The following ZNF185 variants were observed in gnomAD, a reference collection of about 807,000 sequenced individuals.
ZNF185 encodes the protein zinc finger protein 185.
In ZNF185, 56 loss-of-function variants were observed where a neutral mutation model predicts 58.6. The observed-to-expected ratio is 0.95, with a 90% CI of 0.77 to 1.19. The LOEUF is 1.19. Ranked by LOEUF, ZNF185 falls within the 50% of genes most tolerant of loss-of-function variation. The probability of loss-of-function intolerance (pLI) is 0.00; values close to 1 mark genes in which losing one functional copy is unlikely to be tolerated. For missense variants in ZNF185, 627 were observed against 573.5 expected (o/e 1.09, Z -0.95); for synonymous variants, 230 against 215.9 (o/e 1.07, Z -0.57).
At chrX:152,938,528 A>C (rs368521292) in intron 15 of ZNF185, among the ~76,000 whole-genome samples, 1 of 111,447 alleles carries the variant, frequency 9.0e-6, no homozygotes, top group Non-Finnish European at 1.9e-5. Flanking sequence ...AGAGCAATAC[A>C]TGAGCGCTAG....
At chrX:152,957,019 A>G (rs1375599798) in intron 16 of ZNF185, among the ~76,000 whole-genome samples, 2 of 111,461 alleles carry the variant, frequency 1.8e-5, no homozygotes, top group Non-Finnish European at 3.8e-5. Context: ...GGAAAAACCT[A>G]ATAATACCCT....
chrX:152,939,895 G>T (rs782672744), intron 15 of ZNF185, among the ~76,000 whole-genome samples: 1 of 102,158 alleles, frequency 9.8e-6, no homozygotes, highest in East Asian at 3.1e-4. Context: ...CGATTCTCCT[G>T]CCTCAGCCTC....
intron 11 of ZNF185, among the ~76,000 whole-genome samples, chrX:152,927,495 A>C (rs1471066382): frequency 1.8e-5 from 2 of 110,778 alleles, no homozygotes; most frequent in Non-Finnish European, 1.9e-5. Context: ...TGGCCTCTTT[A>C]AAGTGCCAGT....
In ZNF185 at chrX:152,967,241, A is replaced by G; in HGVS notation, c.1871+3A>G. 1 of 1,208,637 alleles carries G rather than the reference A, an allele frequency of 8.3e-7. No homozygotes were observed. The highest frequency in any genetic ancestry group is 1.1e-6 in the Non-Finnish European group (1 of 892,833). On this transcript the variant is annotated splice_donor_region_variant and intron_variant, in intron 20 of 22. Coordinates refer to ENST00000449285, the Ensembl canonical transcript of ZNF185. ...GGCAGCACTCCATACTCTGAGAGGTATGTTGACTTTCTTAGCACGGAGCTT... is the reference window on the plus strand; with the variant it reads ...GGCAGCACTCCATACTCTGAGAGGTGTGTTGACTTTCTTAGCACGGAGCTT...
At position 152,965,173 on chromosome X, in the gene ZNF185, G is replaced by A. The variant is rs1240228703; in HGVS notation, c.1719-274G>A. 3.5e-4 allele frequency among the ~76,000 whole-genome samples: 39 copies of A among 112,300 alleles called. 1 individual carries two copies. The highest frequency in any genetic ancestry group is 1.3e-3 in the African/African-American group (39 of 30,873). ...CCTGGGGAGAAGATGGGGTCACCGAGGTCTGCATGGAGGAGGACAGCACAT... is the reference window on the plus strand; with the variant it reads ...CCTGGGGAGAAGATGGGGTCACCGAAGTCTGCATGGAGGAGGACAGCACAT... On this transcript the variant is annotated intron_variant, in intron 18 of 22. Coordinates refer to ENST00000449285, the Ensembl canonical transcript of ZNF185.
the ZNF185 span, among the ~76,000 whole-genome samples, chrX:152,904,860 C>G: frequency 8.9e-6 from 1 of 112,145 alleles, no homozygotes; most frequent in South Asian, 3.7e-4. Context: ...TGCACTGAAG[C>G]CTACACCTTC....
chrX:152,917,378 G>A lies in ZNF185; in HGVS notation c.341+16G>A. 1.7e-6 allele frequency: 2 copies of A among 1,210,174 alleles called. No homozygotes were observed. The highest frequency in any genetic ancestry group is 2.2e-6 in the Non-Finnish European group (2 of 894,165). On this transcript the variant is annotated intron_variant, in intron 5 of 22. Coordinates refer to ENST00000449285, the Ensembl canonical transcript of ZNF185. ...CTCCAAAAAGGTATGTCCATGGGGT[G>A]TTGGCCAGTCGGCCAGTGGGGAGGT...
chrX:152,910,633 C>T (rs1165663399), upstream of ZNF185, among the ~76,000 whole-genome samples: 4 of 112,407 alleles, frequency 3.6e-5, no homozygotes, highest in African/African-American at 6.5e-5. Flanking sequence ...TTTTCACCCC[C>T]ATACTCAACA....
chrX:152,936,616 A>C, intron 14 of ZNF185, 103 bp downstream of exon 16: 6 of 683,123 alleles, frequency 8.8e-6, no homozygotes, highest in South Asian at 2.6e-5. Flanking sequence ...CGAACTTCTC[A>C]GCTCCATGCC....
intron 16 of ZNF185, among the ~76,000 whole-genome samples, chrX:152,954,137 TA>T (rs36068481): frequency 0.27 from 25,358 of 94,282 alleles, 2,375 homozygotes; most frequent in South Asian, 0.42. Flanking sequence ...CACAAAATAA[TA>T]AAAAAAAAAA....
At chrX:152,900,378 G>A in the ZNF185 span, among the ~76,000 whole-genome samples, 162 of 112,792 alleles carry the variant, frequency 1.4e-3, no homozygotes, top group Non-Finnish European at 2.5e-3. Context: ...CCTTTGGTGC[G>A]GGTTTTGCTT....
At chrX:152,954,872 C>A (rs1250190736) in intron 16 of ZNF185, among the ~76,000 whole-genome samples, 3 of 111,391 alleles carry the variant, frequency 2.7e-5, no homozygotes, top group Non-Finnish European at 3.8e-5. Context: ...GAGCAATGAA[C>A]TATTTGTGAA....
At chrX:152,903,288 C>G in the ZNF185 span, among the ~76,000 whole-genome samples, 2 of 98,335 alleles carry the variant, frequency 2.0e-5, no homozygotes, top group Non-Finnish European at 4.0e-5. Flanking sequence ...ACTAGGGAGG[C>G]TGAGGCAGGA....
chrX:152,965,468 G>T, exon 19 of ZNF185: 1 of 1,186,522 alleles, frequency 8.4e-7, no homozygotes. Flanking sequence ...TCTTCGTGAA[G>T]GAGTACGTGA....
Position 152,953,889 on chromosome X carries a change from C to T in ZNF185, c.1410-5810C>T, listed in dbSNP as rs369000862. Among the ~76,000 whole-genome samples the T allele has an allele frequency of 9.9e-5, 11 of 111,327 alleles. No individual in the cohort carries two copies. In the East Asian group the frequency reaches 2.8e-3, roughly 29 times the overall value. On this transcript the variant is annotated intron_variant, in intron 16 of 22. Transcript: ENST00000449285. ...CTGAGTAGCTGGAATTACAGGCGTG[C>T]GCCACCATGCCCAGCTAATTTTTCA...
chrX:152,914,967 G>A, intron 2 of ZNF185, 134 bp downstream of exon 3: 1 of 1,013,597 alleles, frequency 9.9e-7, no homozygotes, highest in Non-Finnish European at 1.3e-6. Context: ...GCAGAGCGTG[G>A]GAAAGGCTAT....
At chrX:152,919,326 C>T (rs782471088) in intron 7 of ZNF185, among the ~76,000 whole-genome samples, 80 of 82,872 alleles carry the variant, frequency 9.7e-4, no homozygotes, top group African/African-American at 3.2e-3. Context: ...AATGTGGGTC[C>T]GGGGAAAAGC....
upstream of ZNF185, chrX:152,914,405 A>T: frequency 3.3e-6 from 3 of 906,893 alleles, no homozygotes; most frequent in Non-Finnish European, 4.6e-6. Flanking sequence ...AGACACTACA[A>T]ATGCATGAAG....
chrX:152,905,718 G>T, the ZNF185 span, among the ~76,000 whole-genome samples: 152 of 108,842 alleles, frequency 1.4e-3, 1 homozygote, highest in Non-Finnish European at 2.5e-3. Context: ...AGGCTTGGGG[G>T]GGGGGCGGGG....
Sources: allele counts gnomAD v4.1 joint callset (sites outside exome capture counted in the v4.1 genomes callset), GRCh38; gene constraint gnomAD v4.1.1; transcripts MANE v1.5; gene names NCBI Gene and HGNC (gene_info 2026-07-23, HGNC 2026-07-21).